The following FLG2 variants were observed in gnomAD, a reference collection of about 807,000 sequenced individuals.
FLG2 encodes the protein filaggrin-2.
Under a neutral mutation model 3.9 loss-of-function variants are expected in FLG2, and 7 were observed. That is an observed-to-expected ratio of 1.79 (90% CI 1.02 to 3.36). The LOEUF is 3.36. FLG2 is among the 30% of genes most tolerant of loss of function. The probability of loss-of-function intolerance (pLI) is 0.00; values close to 1 mark genes in which losing one functional copy is unlikely to be tolerated. For missense variants in FLG2, 2,700 were observed against 2,809.4 expected (o/e 0.96, Z 0.88); for synonymous variants, 1,031 against 1,056.1 (o/e 0.98, Z 0.46).
chr1:152,350,887 T>A lies in FLG2; in HGVS notation c.6899A>T (p.Gln2300Leu). The part of the protein sequence containing the change: ...VHGRLETTHG[Q>L]TGDTTRHGHS... The stretch of plus-strand genomic sequence containing the variant: ...GCCATGTCTAGTGGTATCTCCTGTC[T>A]GTCCATGAGTAGTTTCCAGTCTCCC... The change falls in exon 3 of 3, where the codon CAG (glutamine) becomes CTG (leucine). Residue 2300 changes from glutamine (Q) to leucine (L), a missense_variant. Coordinates refer to ENST00000388718, the MANE Select transcript of FLG2 (RefSeq NM_001014342.3). 1.9e-6 allele frequency: 3 copies of A among 1,614,162 alleles called. No individual in the cohort carries two copies. Among genetic ancestry groups the A allele is most frequent in the Non-Finnish European group, 2.5e-6 (3 of 1,180,020 alleles).
At position 152,356,403 on chromosome 1, in the gene FLG2, A is replaced by G; in HGVS notation, c.1383T>C (p.Ser461=). 6.2e-7 allele frequency: 1 copy of G among 1,614,134 alleles called. No individual in the cohort carries two copies. The highest frequency in any genetic ancestry group is 8.5e-7 in the Non-Finnish European group (1 of 1,180,018). ...QTCGQHESTS[S]QSLGYDQHGS... ...CATGCTGGTCATAGCCCAAGGATTG[A>G]CTTGATGTAGACTCATGCTGGCCAC... The change falls in exon 3 of 3, where the codon AGT becomes AGC. Residue 461 remains serine (S), a synonymous_variant. Coordinates refer to ENST00000388718, the MANE Select transcript of FLG2 (RefSeq NM_001014342.3).
chr1:152,353,731 T>A lies in FLG2; in HGVS notation c.4055A>T (p.Asp1352Val). Residue 1352 changes from aspartate (D) to valine (V), a missense_variant, in exon 3 of 3, where the codon GAC becomes GTC. By Grantham distance (152) the Asp-to-Val change is radical. Transcript: ENST00000388718. The part of the protein sequence containing the change: ...RQRFSHSDAT[D>V]SEVHSGVSHR... ...TGAGACCCCTGAGTGCACTTCACTG[T>A]CAGTGGCATCACTGTGGCTAAATCT... The A allele has an allele frequency of 6.2e-7, 1 of 1,614,208 alleles. No individual in the cohort carries two copies. The highest frequency in any genetic ancestry group is 8.5e-7 in the Non-Finnish European group (1 of 1,180,030).
rs2101677287 is a variant in FLG2 at position 152,353,235 on chromosome 1, A to G, written c.4551T>C (p.His1517=). The G allele has an allele frequency of 6.5e-7, 1 of 1,543,818 alleles. No homozygotes were observed. The highest frequency in any genetic ancestry group is 1.8e-4 in the Middle Eastern group (1 of 5,666). Residue 1517 remains histidine (H), a synonymous_variant, in exon 3 of 3, where the codon CAT becomes CAC. Coordinates refer to ENST00000388718, the MANE Select transcript of FLG2 (RefSeq NM_001014342.3). ...SEVHSGGSHT[H]SGHTHGQSGS... ...CACTTTGGCCGTGAGTGTGTCCTGA[A>G]TGTGTGTGCGAGCCCCCTGAGTGCA... is the stretch of plus-strand genomic sequence containing the variant.
chr1:152,350,693 C>T lies in FLG2; in HGVS notation c.7093G>A (p.Gly2365Ser). ...TTACTGATGCTTTTTCTGCTGCCAC[C>T]AGAAGGCCCATACCCAGTGTGCCCA... ...DYGHTGYGPS[G>S]GSRKSISNSH... Residue 2365 changes from glycine to serine, a missense_variant, in exon 3 of 3, where the codon GGT becomes AGT. Physicochemically the swap from Gly to Ser is moderately conservative, Grantham distance 56 (BLOSUM62 0). Transcript: ENST00000388718. The T allele has an allele frequency of 6.2e-7, 1 of 1,614,172 alleles. No homozygotes were observed. Among genetic ancestry groups the T allele is most frequent in the Non-Finnish European group, 8.5e-7 (1 of 1,180,028 alleles).
At position 152,356,925 on chromosome 1, in the gene FLG2, C is replaced by G; in HGVS notation, c.861G>C (p.Gly287=). 6.2e-7 allele frequency: 1 copy of G among 1,614,192 alleles called. No homozygotes were observed. Among genetic ancestry groups the G allele is most frequent in the Non-Finnish European group, 8.5e-7 (1 of 1,180,034 alleles). ...SHACGYSNSS[G]CGRPQNASSS... ...TTGAAGCATTTTGTGGCCTTCCACACCCACTTGAATTGCTATAACCACATG... is the reference window on the plus strand; with the variant it reads ...TTGAAGCATTTTGTGGCCTTCCACAGCCACTTGAATTGCTATAACCACATG... Residue 287 remains glycine, a synonymous_variant, in exon 3 of 3, where the codon GGG becomes GGC. Coordinates refer to ENST00000388718, the MANE Select transcript of FLG2 (RefSeq NM_001014342.3).
Position 152,355,730 on chromosome 1 carries a change from A to G in FLG2, c.2056T>C (p.Ser686Pro), listed in dbSNP as rs1654193333. The G allele has an allele frequency of 6.2e-7, 1 of 1,613,310 alleles. No individual in the cohort carries two copies. The highest frequency in any genetic ancestry group is 8.5e-7 in the Non-Finnish European group (1 of 1,179,948). ...GQSSGFGQHE[S>P]RSGHSSYGQH... ...CCATAGCTAGAATGACCTGATCTAG[A>G]CTCATGTTGTCCAAAACCAGAGGAT... Residue 686 changes from serine to proline, a missense_variant, in exon 3 of 3, where the codon TCT (serine) becomes CCT (proline). Coordinates refer to ENST00000388718, the MANE Select transcript of FLG2 (RefSeq NM_001014342.3).
chr1:152,352,490 T>G lies in FLG2; in HGVS notation c.5296A>C (p.Arg1766=). ...GTCTGTCCATGTATAGTTCCATGTC[T>G]CTCATGAACTATGGATTCTGACTCT... ...HGESESIVHE[R]HGTIHGQTGD... is the part of the protein sequence containing the mutation. The change falls in exon 3 of 3, where the codon AGA becomes CGA. Residue 1766 remains arginine, a synonymous_variant. Coordinates refer to ENST00000388718, the MANE Select transcript of FLG2 (RefSeq NM_001014342.3). The G allele has an allele frequency of 6.2e-7, 1 of 1,613,124 alleles. No homozygotes were observed.
Position 152,353,830 on chromosome 1 carries a change from C to T in FLG2, c.3956G>A (p.Gly1319Glu). ...AGAATGGCCATGTCTAGTGGTATCTCCTCTCTGTCCATGAGTAGTTCCTTG... is the reference window on the plus strand; with the variant it reads ...AGAATGGCCATGTCTAGTGGTATCTTCTCTCTGTCCATGAGTAGTTCCTTG... Reference protein sequence around the residue: ...RRQGTTHGQRGDTTRHGHSGH... With the variant: ...RRQGTTHGQREDTTRHGHSGH... Residue 1319 changes from glycine (G) to glutamate (E), a missense_variant, in exon 3 of 3, where the codon GGA becomes GAA. Physicochemically the swap from Gly to Glu is moderately conservative, Grantham distance 98. Coordinates refer to ENST00000388718, the MANE Select transcript of FLG2 (RefSeq NM_001014342.3). The T allele has an allele frequency of 6.2e-7, 1 of 1,614,122 alleles. No individual in the cohort carries two copies. The highest frequency in any genetic ancestry group is 8.5e-7 in the Non-Finnish European group (1 of 1,179,988).
rs117998963 is a variant in FLG2 at position 152,350,745 on chromosome 1, G to T, written c.7041C>A (p.Gly2347=). 8 of 1,614,156 alleles carry T rather than the reference G, an allele frequency of 5.0e-6. 1 individual carries two copies. The East Asian group carries it at 1.8e-4, about 36-fold the overall frequency. ...RHGSSQVWKH[G]SYGPAEYDYG... is the part of the protein sequence containing the mutation. Reference sequence around the variant, plus strand: ...AGTCATATTCTGCAGGTCCATAGCTGCCATGTTTCCAAACCTGACTTGATC... The same window carrying T: ...AGTCATATTCTGCAGGTCCATAGCTTCCATGTTTCCAAACCTGACTTGATC... The change falls in exon 3 of 3, where the codon GGC becomes GGA. Residue 2347 remains glycine, a synonymous_variant. Transcript: ENST00000388718.
In FLG2 at chr1:152,355,033, T is replaced by A. The variant is rs1421153009; in HGVS notation, c.2753A>T (p.His918Leu). 9.6e-6 allele frequency: 15 copies of A among 1,555,858 alleles called. 2 individuals are homozygous for A. In the South Asian group the frequency reaches 1.5e-4, roughly 16 times the overall value. ...SGFGQHESRS[H>L]QSSYGQHGSG... ...ACCATGTTGGCCATAGCTAGACTGA[T>A]GTGATCTAGACTCATGTTGTCCAAA... Residue 918 changes from histidine (H) to leucine (L), a missense_variant, in exon 3 of 3, where the codon CAT becomes CTT. Coordinates refer to ENST00000388718, the MANE Select transcript of FLG2 (RefSeq NM_001014342.3).
In FLG2 at chr1:152,350,001, A is replaced by G. The variant is rs947134770; in HGVS notation, c.*609T>C. The stretch of plus-strand genomic sequence containing the variant: ...TGCTGTCATTTGACTACTCATAACT[A>G]TCATTTGATTGGCCATGGCTGTATA... On this transcript the variant is annotated 3_prime_UTR_variant, in exon 3 of 3. Coordinates refer to ENST00000388718, the MANE Select transcript of FLG2 (RefSeq NM_001014342.3). 1 of 154,646 alleles carries G rather than the reference A, an allele frequency of 6.5e-6. No homozygotes were observed. The highest frequency in any genetic ancestry group is 2.4e-5 in the African/African-American group (1 of 41,350). The allele number at this position is 154,646 out of a possible 1,614,324, so 9.6% of individuals were successfully genotyped here. A position where few individuals can be genotyped will look rare whatever the true frequency, so the allele number is the denominator to read the frequency against.
At position 152,354,055 on chromosome 1, in the gene FLG2, A is replaced by T; in HGVS notation, c.3731T>A (p.Ile1244Lys). 1 of 1,613,880 alleles carries T rather than the reference A, an allele frequency of 6.2e-7. No individual in the cohort carries two copies. Among genetic ancestry groups the T allele is most frequent in the Non-Finnish European group, 8.5e-7 (1 of 1,179,964 alleles). Residue 1244 changes from isoleucine to lysine, a missense_variant, in exon 3 of 3, where the codon ATA (isoleucine) becomes AAA (lysine). By Grantham distance (102) the Ile-to-Lys change is moderately radical. Coordinates refer to ENST00000388718, the MANE Select transcript of FLG2 (RefSeq NM_001014342.3). ...AGACTGGCTATGTCTAGTGGTATTTATTGTCTGACCATGAGTAGTTTCCTG... is the reference window on the plus strand; with the variant it reads ...AGACTGGCTATGTCTAGTGGTATTTTTTGTCTGACCATGAGTAGTTTCCTG... ...GRQETTHGQTINTTRHSQSGQ... is the reference protein window; with the variant it reads ...GRQETTHGQTKNTTRHSQSGQ...
chr1:152,353,434 C>G lies in FLG2; in HGVS notation c.4352G>C (p.Gly1451Ala), dbSNP rs756875293. The change falls in exon 3 of 3, where the codon GGA becomes GCA. Residue 1451 changes from glycine (G) to alanine (A), a missense_variant. Coordinates refer to ENST00000388718, the MANE Select transcript of FLG2 (RefSeq NM_001014342.3). ...GGATCCTGACTCTCCATGTTGAGATCCGGCTTGGCCATGAGTTTGTTCTTG... is the reference window on the plus strand; with the variant it reads ...GGATCCTGACTCTCCATGTTGAGATGCGGCTTGGCCATGAGTTTGTTCTTG... ...QSQEQTHGQA[G>A]SQHGESGSTV... The G allele has an allele frequency of 6.2e-7, 1 of 1,611,260 alleles. No homozygotes were observed. The highest frequency in any genetic ancestry group is 8.5e-7 in the Non-Finnish European group (1 of 1,179,386).
At position 152,350,938 on chromosome 1, in the gene FLG2, T is replaced by C; in HGVS notation, c.6848A>G (p.Gln2283Arg). ...ATGAACTGTGGATCCTGGCTGTCTT[T>C]GTTGAGATCCAGCTTGGCCCTGAAT... ...GHIQGQAGSQ[Q>R]RQPGSTVHGR... Residue 2283 changes from glutamine (Q) to arginine (R), a missense_variant, in exon 3 of 3, where the codon CAA becomes CGA. Gln to Arg is a conservative substitution (Grantham distance 43). Coordinates refer to ENST00000388718, the MANE Select transcript of FLG2 (RefSeq NM_001014342.3). 1 of 1,613,824 alleles carries C rather than the reference T, an allele frequency of 6.2e-7. No individual in the cohort carries two copies. The highest frequency in any genetic ancestry group is 8.5e-7 in the Non-Finnish European group (1 of 1,179,942).
chr1:152,355,674 A>G lies in FLG2; in HGVS notation c.2112T>C (p.Ser704=). 6.2e-7 allele frequency: 1 copy of G among 1,613,996 alleles called. No individual in the cohort carries two copies. The highest frequency in any genetic ancestry group is 8.5e-7 in the Non-Finnish European group (1 of 1,180,008). Residue 704 remains serine, a synonymous_variant, in exon 3 of 3, where the codon TCT becomes TCC. Transcript: ENST00000388718. ...AACTTGACCCATGTTGACCATAGCCAGATGATTGACTTGAGCCAAAACCAT... is the reference window on the plus strand; with the variant it reads ...AACTTGACCCATGTTGACCATAGCCGGATGATTGACTTGAGCCAAAACCAT... ...GQHGFGSSQS[S]GYGQHGSSSG...
rs16842865 is a variant in FLG2, at chr1:152,355,619, C to G, written c.2167G>C (p.Glu723Gln). 2 of 1,612,466 alleles carry G rather than the reference C, an allele frequency of 1.2e-6. No individual in the cohort carries two copies. Among genetic ancestry groups the G allele is most frequent in the Non-Finnish European group, 8.5e-7 (1 of 1,179,642 alleles). ...SGQTSGFGQH[E>Q]LSSGQSSSFG... is the part of the protein sequence containing the mutation. ...CTGGAAGACTGACCTGAGCTTAACT[C>G]GTGTTGTCCAAATCCAGATGTCTGT... Residue 723 changes from glutamate to glutamine, a missense_variant, in exon 3 of 3, where the codon GAG (glutamate) becomes CAG (glutamine). By Grantham distance (29) the Glu-to-Gln change is conservative (BLOSUM62 2). Transcript: ENST00000388718.
In FLG2 at chr1:152,357,468, G is replaced by A; in HGVS notation, c.318C>T (p.His106=). Residue 106 remains histidine (H), a synonymous_variant, in exon 3 of 3, where the codon CAC becomes CAT. Coordinates refer to ENST00000388718, the MANE Select transcript of FLG2 (RefSeq NM_001014342.3). ...ASGSKKHRRG[H]RHQEEESETE... ...TTTCACTTTCTTCTTCTTGGTGTCG[G>A]TGACCACGCCTATGCTTCTTTGACC... 1 of 1,614,024 alleles carries A rather than the reference G, an allele frequency of 6.2e-7. No homozygotes were observed. The highest frequency in any genetic ancestry group is 8.5e-7 in the Non-Finnish European group (1 of 1,180,022).
Position 152,350,613 on chromosome 1 carries a change from A to G in FLG2, c.7173T>C (p.His2391=). The G allele has an allele frequency of 1.2e-6, 2 of 1,610,992 alleles. No homozygotes were observed. Among genetic ancestry groups the G allele is most frequent in the African/African-American group, 2.7e-5 (2 of 74,932 alleles). ...DSTANKQLSR[H] ...GGTCAGAACTAGAAAATAACTGTCAATGTCTAGACAGTTGCTTGTTTGCAG... is the reference window on the plus strand; with the variant it reads ...GGTCAGAACTAGAAAATAACTGTCAGTGTCTAGACAGTTGCTTGTTTGCAG... The change falls in exon 3 of 3, where the codon CAT becomes CAC. Residue 2391 remains histidine, a synonymous_variant. Coordinates refer to ENST00000388718, the MANE Select transcript of FLG2 (RefSeq NM_001014342.3).
chr1:152,353,582 C>T lies in FLG2; in HGVS notation c.4204G>A (p.Gly1402Ser). ...GTGGACTGTCCATGACCAGAGTGGC[C>T]ATGTCCAGTGGCCTCTCCTGTCTGT... ...YGQTGEATGH[G>S]HSGHGQSTQR... Residue 1402 changes from glycine to serine, a missense_variant, in exon 3 of 3, where the codon GGC (glycine) becomes AGC (serine). Physicochemically the swap from Gly to Ser is moderately conservative, Grantham distance 56 (BLOSUM62 0). Coordinates refer to ENST00000388718, the MANE Select transcript of FLG2 (RefSeq NM_001014342.3). The T allele has an allele frequency of 6.2e-7, 1 of 1,613,720 alleles. No individual in the cohort carries two copies. Among genetic ancestry groups the T allele is most frequent in the Non-Finnish European group, 8.5e-7 (1 of 1,179,920 alleles).
Sources: allele counts gnomAD v4.1 joint callset, GRCh38; gene constraint gnomAD v4.1.1; transcripts MANE v1.5; gene names NCBI Gene and HGNC (gene_info 2026-07-23, HGNC 2026-07-21).